GPC3: variants seen among roughly 807,000 people sequenced by gnomAD.
The protein encoded by GPC3 is glypican-3.
A neutral mutation model predicts 34.4 loss-of-function variants in GPC3; 3 were observed. The ratio of observed to expected loss-of-function variants is 0.09; its 90% CI spans 0.04 to 0.23. GPC3 has a LOEUF of 0.23. GPC3 is among the 10% of genes least tolerant of loss of function. GPC3 has a pLI of 1.00. For synonymous variants in GPC3, 177 were observed against 174.0 expected, an observed-to-expected ratio of 1.02 and a Z score of -0.13; for missense variants, 351 against 445.6, an observed-to-expected ratio of 0.79 and a Z score of 1.91.
chrX:133,763,179 G>A lies in GPC3; in HGVS notation c.338-9003C>T. On this transcript the variant is annotated intron_variant, in intron 2 of 7. Coordinates refer to ENST00000370818, the MANE Select transcript of GPC3 (RefSeq NM_004484.4). ...AGCTTCTTGTGGTTACTGACCCCAG[G>A]GCTGACCACCAGCCTCTCACAGAGG... 5 of 689,698 alleles carry A rather than the reference G, an allele frequency of 7.2e-6. 1 individual carries two copies. The South Asian group carries it at 1.1e-4, about 15-fold the overall frequency. 56.8% of individuals were successfully genotyped at this position (689,698 alleles called of 1,213,427 possible). A position where few individuals can be genotyped will look rare whatever the true frequency, so the allele number is the denominator to read the frequency against.
intron 1 of GPC3, among the ~76,000 whole-genome samples, chrX:133,972,970 A>C (rs773170963): frequency 9.0e-6 from 1 of 111,572 alleles, no homozygotes; most frequent in South Asian, 3.8e-4. Flanking sequence ...GTCAGGTTGA[A>C]TCATTCAAAG....
chrX:133,860,117 G>A (rs751291575), intron 2 of GPC3, among the ~76,000 whole-genome samples: 2 of 111,592 alleles, frequency 1.8e-5, no homozygotes, highest in South Asian at 3.9e-4. Flanking sequence ...ACTCTAACAC[G>A]GGATCAGATT....
rs776224392 is a variant in GPC3, at chrX:133,616,738, C to T, written c.1414-20139G>A. ...TTTGAGATGGAGTCTCACTCTGTCGCCCAGGCTGGAGTGCAGTGGCGCAAT... is the reference window on the plus strand; with the variant it reads ...TTTGAGATGGAGTCTCACTCTGTCGTCCAGGCTGGAGTGCAGTGGCGCAAT... On this transcript the variant is annotated intron_variant, in intron 6 of 7. Coordinates refer to ENST00000370818, the MANE Select transcript of GPC3 (RefSeq NM_004484.4). 1.5e-4 allele frequency among the ~76,000 whole-genome samples: 16 copies of T among 104,357 alleles called. No individual in the cohort carries two copies. In the East Asian group the frequency reaches 4.8e-3, roughly 32 times the overall value. The allele number at this position is 104,357 out of a possible 115,157, so 90.6% of individuals were successfully genotyped here.
intron 2 of GPC3, among the ~76,000 whole-genome samples, chrX:133,924,109 T>G (rs1412630557): frequency 8.9e-6 from 1 of 112,261 alleles, no homozygotes; most frequent in Non-Finnish European, 1.9e-5. Context: ...AAATGTATTA[T>G]ATATTCTTTA....
At chrX:133,849,886 CCT>C (rs1405441138) in intron 2 of GPC3, among the ~76,000 whole-genome samples, 1 of 111,749 alleles carries the variant, frequency 8.9e-6, no homozygotes, top group African/African-American at 3.3e-5. Flanking sequence ...TCTCTGGATC[CCT>C]CTGACTCCAA....
intron 2 of GPC3, among the ~76,000 whole-genome samples, chrX:133,848,563 A>G (rs1374187443): frequency 3.6e-5 from 4 of 112,459 alleles, no homozygotes; most frequent in Non-Finnish European, 7.5e-5. Flanking sequence ...ACTGAAATCA[A>G]TTGGAAATAG....
At chrX:133,958,042 C>T (rs1337405651) in intron 1 of GPC3, among the ~76,000 whole-genome samples, 2 of 111,718 alleles carry the variant, frequency 1.8e-5, no homozygotes, top group Non-Finnish European at 3.8e-5. Flanking sequence ...GCTGCTAGTT[C>T]CCATTTATAT....
Position 133,908,740 on chromosome X carries a change from A to G in GPC3, c.337+44310T>C, listed in dbSNP as rs776192840. ...CTAAAATTGTTTTTGCTTAAAAAAA[A>G]AAATAAGCTACACCACATTGTTGGC... On this transcript the variant is annotated intron_variant, in intron 2 of 7. Coordinates refer to ENST00000370818, the MANE Select transcript of GPC3 (RefSeq NM_004484.4). Among the ~76,000 whole-genome samples, 8 of 111,588 alleles carry G rather than the reference A, an allele frequency of 7.2e-5. 2 individuals carry two copies. The highest frequency in any genetic ancestry group is 9.6e-5 in the Admixed American group (1 of 10,462).
intron 2 of GPC3, among the ~76,000 whole-genome samples, chrX:133,794,132 G>A (rs903914626): frequency 2.7e-5 from 3 of 112,063 alleles, no homozygotes; most frequent in African/African-American, 9.7e-5. Context: ...TGAACAAGAC[G>A]TGCAAAAGGC....
intron 6 of GPC3, among the ~76,000 whole-genome samples, chrX:133,617,642 T>A (rs1272854537): frequency 2.7e-5 from 3 of 112,307 alleles, no homozygotes; most frequent in African/African-American, 9.7e-5. Flanking sequence ...ACCTAGGGAT[T>A]ACAATGACAA....
intron 7 of GPC3, among the ~76,000 whole-genome samples, chrX:133,578,977 C>T (rs1468590457): frequency 4.5e-5 from 5 of 111,005 alleles, no homozygotes. Context: ...AGAGAAGGCC[C>T]TCATGATGTG....
chrX:133,800,009 T>C (rs766917500), intron 2 of GPC3, among the ~76,000 whole-genome samples: 3 of 111,896 alleles, frequency 2.7e-5, no homozygotes, highest in Non-Finnish European at 5.6e-5. Context: ...CTGACTGACA[T>C]AAAAAGTTAC....
intron 2 of GPC3, among the ~76,000 whole-genome samples, chrX:133,793,316 T>C (rs1220345266): frequency 8.9e-6 from 1 of 112,000 alleles, no homozygotes; most frequent in African/African-American, 3.2e-5. Flanking sequence ...ACAGTTAATG[T>C]GTATGGGCAT....
At chrX:133,732,572 C>T (rs750865990) in intron 3 of GPC3, among the ~76,000 whole-genome samples, 2 of 111,395 alleles carry the variant, frequency 1.8e-5, no homozygotes, top group Non-Finnish European at 3.8e-5. Context: ...GCTGAGAAAC[C>T]TTTAATCATC....
intron 2 of GPC3, among the ~76,000 whole-genome samples, chrX:133,812,640 C>A (rs1204497369): frequency 4.5e-5 from 5 of 112,073 alleles, no homozygotes; most frequent in Middle Eastern, 4.2e-3. Context: ...CCACCCTATT[C>A]CGGCCAGGCA....
At chrX:133,665,890 G>A (rs1396957474) in intron 5 of GPC3, among the ~76,000 whole-genome samples, 1 of 111,669 alleles carries the variant, frequency 9.0e-6, no homozygotes, top group Non-Finnish European at 1.9e-5. Flanking sequence ...AAGAGGTAAG[G>A]CTCATTATAA....
chrX:133,681,717 G>T (rs763514424), intron 5 of GPC3, among the ~76,000 whole-genome samples: 1 of 111,967 alleles, frequency 8.9e-6, no homozygotes, highest in South Asian at 3.8e-4. Context: ...TCCCAAGAAA[G>T]AGGCTTCCCT....
At chrX:133,931,677 C>G (rs2076298886) in intron 2 of GPC3, among the ~76,000 whole-genome samples, 1 of 111,714 alleles carries the variant, frequency 9.0e-6, no homozygotes, top group Admixed American at 9.5e-5. Context: ...AATGGAAACT[C>G]TCACTATTAT....
At chrX:133,830,706 A>C (rs944464584) in intron 2 of GPC3, among the ~76,000 whole-genome samples, 186 of 105,228 alleles carry the variant, frequency 1.8e-3, no homozygotes, top group Non-Finnish European at 3.2e-3. Context: ...AAAAAAAAAA[A>C]CATACAATTT....
Sources: allele counts gnomAD v4.1 joint callset (sites outside exome capture counted in the v4.1 genomes callset), GRCh38; gene constraint gnomAD v4.1.1; transcripts MANE v1.5; gene names NCBI Gene and HGNC (gene_info 2026-07-23, HGNC 2026-07-21).